ANKRD33B: variants seen among roughly 807,000 people sequenced by gnomAD.
The protein encoded by ANKRD33B is ankyrin repeat domain 33B.
A neutral mutation model predicts 21.5 loss-of-function variants in ANKRD33B; 6 were observed. The observed-to-expected ratio is 0.28, with a 90% CI of 0.15 to 0.55. ANKRD33B has a LOEUF of 0.55. Ranked by LOEUF, ANKRD33B falls within the 20% of genes least tolerant of loss-of-function variation. The probability of loss-of-function intolerance (pLI) is 0.94; values close to 1 mark genes in which losing one functional copy is unlikely to be tolerated. For synonymous variants in ANKRD33B, 347 were observed against 342.4 expected (o/e 1.01, Z -0.15); for missense variants, 698 against 747.2 (o/e 0.93, Z 0.77).
chr5:10,625,512 C>T (rs142650857), intron 2 of ANKRD33B, among the ~76,000 whole-genome samples: 299 of 152,234 alleles, frequency 2.0e-3, no homozygotes, highest in African/African-American at 7.0e-3. Context: ...CCTGCTGTGT[C>T]GGTGTCCCTG....
At chr5:10,581,644 A>G (rs1244195396) in intron 1 of ANKRD33B, among the ~76,000 whole-genome samples, 3 of 152,216 alleles carry the variant, frequency 2.0e-5, no homozygotes, top group African/African-American at 4.8e-5. Flanking sequence ...ACACTGGTCT[A>G]GGTGTTCCTG....
intron 2 of ANKRD33B, among the ~76,000 whole-genome samples, chr5:10,622,251 A>T (rs1031540836): frequency 6.6e-6 from 1 of 152,130 alleles, no homozygotes; most frequent in African/African-American, 2.4e-5. Flanking sequence ...AGCACCCAGA[A>T]CCCCACATCC....
At chr5:10,582,486 T>C (rs1269914824) in intron 1 of ANKRD33B, among the ~76,000 whole-genome samples, 1 of 152,190 alleles carries the variant, frequency 6.6e-6, no homozygotes, top group African/African-American at 2.4e-5. Flanking sequence ...CTCTCACCAG[T>C]CTGTTCTGCT....
At chr5:10,637,423 TAGAC>T (rs1399698647) in intron 2 of ANKRD33B, among the ~76,000 whole-genome samples, 3 of 48,346 alleles carry the variant, frequency 6.2e-5, no homozygotes, top group East Asian at 6.8e-4. Flanking sequence ...CGTAGGTAGT[TAGAC>T]ACACACACAC....
rs1029372115 is a variant in ANKRD33B at position 10,619,662 on chromosome 5, C to T, written c.496+1200C>T. ...GTGTTCACCTCCTCAGGTTTCGAAG[C>T]GTGAGGCATCACTTCCATGGAGGGT... On this transcript the variant is annotated intron_variant, in intron 2 of 3. Coordinates refer to ENST00000296657, the MANE Select transcript of ANKRD33B (RefSeq NM_001164440.2). The surrounding 1 kb of genome is among the most constrained non-coding windows in gnomAD (Gnocchi z 4.5). Among the ~76,000 whole-genome samples the T allele has an allele frequency of 1.6e-4, 24 of 152,294 alleles. No individual in the cohort carries two copies. Among genetic ancestry groups the T allele is most frequent in the African/African-American group, 3.6e-4 (15 of 41,570 alleles).
At chr5:10,567,888 T>G (rs1292051876) in intron 1 of ANKRD33B, among the ~76,000 whole-genome samples, 1 of 152,150 alleles carries the variant, frequency 6.6e-6, no homozygotes, top group Non-Finnish European at 1.5e-5. Context: ...GGTAATTGCA[T>G]TAATGACAGA....
Position 10,569,012 on chromosome 5 carries a change from C to T in ANKRD33B, c.366+4179C>T, listed in dbSNP as rs148770238. ...CATAGATTTATAGCGATGATCAGGG[C>T]TTTATCTTGAAATGTATGTGAGAAA... On this transcript the variant is annotated intron_variant, in intron 1 of 3. Transcript: ENST00000296657. Among the ~76,000 whole-genome samples the T allele has an allele frequency of 3.4e-3, 515 of 152,184 alleles. 4 individuals are homozygous for T. Among genetic ancestry groups the T allele is most frequent in the African/African-American group, 0.012 (493 of 41,550 alleles).
intron 2 of ANKRD33B, among the ~76,000 whole-genome samples, chr5:10,622,340 T>A (rs1285118920): frequency 6.6e-6 from 1 of 152,172 alleles, no homozygotes; most frequent in East Asian, 1.9e-4. Context: ...AGTTTTTTTT[T>A]AACCAAAGAA....
At chr5:10,615,795 A>G (rs963091991) in intron 1 of ANKRD33B, among the ~76,000 whole-genome samples, 1 of 152,220 alleles carries the variant, frequency 6.6e-6, no homozygotes, top group East Asian at 1.9e-4. Flanking sequence ...TCTCCATCCA[A>G]AGAAGTTAAA....
intron 1 of ANKRD33B, among the ~76,000 whole-genome samples, chr5:10,571,735 T>G (rs1735198577): frequency 6.6e-6 from 1 of 152,124 alleles, no homozygotes; most frequent in Non-Finnish European, 1.5e-5. Context: ...ATTTCTGAGG[T>G]GTTTGCACCA....
intron 1 of ANKRD33B, among the ~76,000 whole-genome samples, chr5:10,584,028 C>T (rs758838990): frequency 7.2e-5 from 11 of 152,134 alleles, no homozygotes; most frequent in South Asian, 2.1e-4. Flanking sequence ...CAGTGCCCGG[C>T]GTGAGCAGCC....
intron 1 of ANKRD33B, among the ~76,000 whole-genome samples, chr5:10,617,164 A>G (rs1736302992): frequency 6.6e-6 from 1 of 152,186 alleles, no homozygotes; most frequent in East Asian, 1.9e-4. Context: ...GGGAGCTAGG[A>G]TTTTAACATT....
At chr5:10,628,434 G>A (rs1736630805) in intron 2 of ANKRD33B, among the ~76,000 whole-genome samples, 1 of 152,002 alleles carries the variant, frequency 6.6e-6, no homozygotes. Context: ...CACCCACTTC[G>A]GCCTCCCAAA....
intron 1 of ANKRD33B, among the ~76,000 whole-genome samples, chr5:10,575,565 T>C (rs1055728034): frequency 6.6e-6 from 1 of 152,268 alleles, no homozygotes; most frequent in Admixed American, 6.5e-5. Context: ...CAGAGTCCCC[T>C]ATTTAAGTTG....
chr5:10,619,841 G>T lies in ANKRD33B; in HGVS notation c.496+1379G>T, dbSNP rs6882964. On this transcript the variant is annotated intron_variant, in intron 2 of 3. Coordinates refer to ENST00000296657, the MANE Select transcript of ANKRD33B (RefSeq NM_001164440.2). The surrounding 1 kb of genome is among the most constrained non-coding windows in gnomAD (Gnocchi z 4.5). ...GAGTAATTCTGCAGCTCATGGGACA[G>T]AGAAACACACGAAGCCCAGCACCAT... 2.0e-5 allele frequency among the ~76,000 whole-genome samples: 3 copies of T among 152,048 alleles called. No homozygotes were observed. Among genetic ancestry groups the T allele is most frequent in the Non-Finnish European group, 4.4e-5 (3 of 68,018 alleles).
chr5:10,633,792 C>G (rs1736791656), intron 2 of ANKRD33B, among the ~76,000 whole-genome samples: 1 of 152,132 alleles, frequency 6.6e-6, no homozygotes, highest in South Asian at 2.1e-4. Flanking sequence ...GTGCCTGATG[C>G]TTTTCTTGTG....
chr5:10,646,119 C>T (rs1579759848), intron 3 of ANKRD33B, among the ~76,000 whole-genome samples: 1 of 152,272 alleles, frequency 6.6e-6, no homozygotes, highest in Non-Finnish European at 1.5e-5. Context: ...GATGTTGCTG[C>T]CTCAAGTGAA....
Position 10,649,567 on chromosome 5 carries a change from G to A in ANKRD33B, c.939G>A (p.Thr313=), listed in dbSNP as rs1737277934. The A allele has an allele frequency of 5.9e-6, 9 of 1,527,320 alleles. No individual in the cohort carries two copies. Among genetic ancestry groups the A allele is most frequent in the East Asian group, 2.5e-5 (1 of 40,674 alleles). The allele number at this position is 1,527,320 out of a possible 1,614,324, so 94.6% of individuals were successfully genotyped here. The change falls in exon 4 of 4, where the codon ACG becomes ACA. Residue 313 remains threonine, a synonymous_variant. Coordinates refer to ENST00000296657, the MANE Select transcript of ANKRD33B (RefSeq NM_001164440.2). ...TGGACCACATGGTCCGGATGACCAC[G>A]AGCCTCTACAGCCCCGCCGTGGCCA... ...GVLDHMVRMT[T]SLYSPAVAIV...
chr5:10,588,337 T>G (rs1417628748), intron 1 of ANKRD33B, among the ~76,000 whole-genome samples: 1 of 152,210 alleles, frequency 6.6e-6, no homozygotes, highest in Non-Finnish European at 1.5e-5. Context: ...ATGACCACAA[T>G]GTACTCTTTC....
Sources: allele counts gnomAD v4.1 joint callset (sites outside exome capture counted in the v4.1 genomes callset), GRCh38; gene constraint gnomAD v4.1.1; non-coding constraint Gnocchi (gnomAD v3.1); transcripts MANE v1.5; gene names NCBI Gene and HGNC (gene_info 2026-07-23, HGNC 2026-07-21).